The following ZNF479 variants were observed in gnomAD, a reference collection of about 807,000 sequenced individuals.
ZNF479 encodes the protein KRAB zinc finger protein KR19.
A neutral mutation model predicts 14.7 loss-of-function variants in ZNF479; 15 were observed. The observed-to-expected ratio is 1.02, with a 90% CI of 0.68 to 1.57. The LOEUF is 1.57. Among genes scored for constraint, ZNF479 ranks in the 40% most tolerant of loss-of-function variants. The pLI is 0.00. For synonymous variants in ZNF479, 145 were observed against 211.5 expected (o/e 0.69, Z 2.73); for missense variants, 506 against 615.1 (o/e 0.82, Z 1.88).
At position 57,118,148 on chromosome 7, in the gene ZNF479, CAT is replaced by C. The variant is rs1554399369; in HGVS notation, c.*1690_*1691del. 6.6e-6 allele frequency among the ~76,000 whole-genome samples: 1 copy of C among 152,260 alleles called. No homozygotes were observed. The highest frequency in any genetic ancestry group is 1.5e-5 in the Non-Finnish European group (1 of 68,044). ...GAAAAAATGTTTTTCACATTCATTA[CAT>C]GTTTAGACTTTCTCTCCAATATAAA... On this transcript the variant is annotated 3_prime_UTR_variant, in exon 4 of 4. Transcript: ENST00000319636.
upstream of ZNF479, among the ~76,000 whole-genome samples, chr7:57,132,917 C>T (rs992541324): frequency 1.4e-4 from 21 of 151,966 alleles, no homozygotes; most frequent in African/African-American, 5.1e-4. Context: ...GCCGGCAGGT[C>T]ACTAGTTCAG....
chr7:57,139,441 G>A (rs768776453), intron 1 of ZNF479, among the ~76,000 whole-genome samples: 7 of 152,152 alleles, frequency 4.6e-5, no homozygotes, highest in African/African-American at 9.7e-5. Context: ...ACCATATCTC[G>A]CAAGATATGT....
chr7:57,136,880 G>A (rs981538258), upstream of ZNF479, among the ~76,000 whole-genome samples: 1 of 152,106 alleles, frequency 6.6e-6, no homozygotes, highest in African/African-American at 2.4e-5. Context: ...CCACCTTTTT[G>A]AAAATACCTT....
intron 1 of ZNF479, among the ~76,000 whole-genome samples, chr7:57,129,367 G>T (rs1256404033): frequency 6.6e-6 from 1 of 152,152 alleles, no homozygotes; most frequent in Non-Finnish European, 1.5e-5. Context: ...GCTTTTACAA[G>T]TCCCCTGTAA....
upstream of ZNF479, among the ~76,000 whole-genome samples, chr7:57,137,255 C>T (rs909394383): frequency 3.9e-5 from 6 of 152,172 alleles, no homozygotes; most frequent in African/African-American, 1.2e-4. Flanking sequence ...CCTGCCACAG[C>T]CTTCCGAGTA....
At chr7:57,127,525 CTAGCCTAGTAAGAA>C (rs1786226857) in intron 1 of ZNF479, 1 of 984,064 alleles carries the variant, frequency 1.0e-6, no homozygotes, top group Admixed American at 6.2e-5. Flanking sequence ...ACCAATGTTT[CTAGCCTAGTAAGAA>C]TATTTTGTCA....
At position 57,121,150 on chromosome 7, in the gene ZNF479, T is replaced by C. The variant is rs781786154; in HGVS notation, c.265A>G (p.Thr89Ala). The stretch of plus-strand genomic sequence containing the variant: ...AGGTCTTGGGTGAAATGGGAACGCG[T>C]AACTGAAAGACACAAAAAGCACAAG... ...RNEMVAKHPV[T>A]RSHFTQDLQP... Residue 89 changes from threonine (T) to alanine (A), a missense_variant and splice_region_variant, in exon 4 of 4, where the codon ACG becomes GCG. Thr to Ala is a moderately conservative substitution (Grantham distance 58, BLOSUM62 0). Coordinates refer to ENST00000319636, the MANE Select transcript of ZNF479 (RefSeq NM_001370129.2). 1.2e-5 allele frequency: 19 copies of C among 1,613,552 alleles called. No homozygotes were observed. In the African/African-American group the frequency reaches 1.7e-4, roughly 15 times the overall value.
upstream of ZNF479, among the ~76,000 whole-genome samples, chr7:57,132,936 G>A (rs1309621107): frequency 6.6e-6 from 1 of 152,058 alleles, no homozygotes; most frequent in African/African-American, 2.4e-5. Context: ...AGGAGTTCGA[G>A]ACAGGCCTGG....
chr7:57,122,314 G>T (rs1320565063), intron 3 of ZNF479, among the ~76,000 whole-genome samples: 3 of 142,110 alleles, frequency 2.1e-5, no homozygotes, highest in East Asian at 2.4e-4. Context: ...ACAACATAAA[G>T]AAAAATAAAA....
rs1785810390 is a variant in ZNF479 at position 57,119,603 on chromosome 7, A to C, written c.*237T>G. On this transcript the variant is annotated 3_prime_UTR_variant, in exon 4 of 4. Coordinates refer to ENST00000319636, the MANE Select transcript of ZNF479 (RefSeq NM_001370129.2). ...GCCTGGGTGACACAGGGAGACTCCA[A>C]CTCAAAAAAATTTTTTTAAAATAAA... 1.1e-5 allele frequency: 5 copies of C among 466,568 alleles called. No homozygotes were observed. In the East Asian group the frequency reaches 2.1e-4, roughly 20 times the overall value. 28.9% of individuals were successfully genotyped at this position (466,568 alleles called of 1,614,324 possible).
At chr7:57,127,985 G>A (rs1429538269) in intron 1 of ZNF479, among the ~76,000 whole-genome samples, 2 of 150,062 alleles carry the variant, frequency 1.3e-5, no homozygotes, top group African/African-American at 2.5e-5. Context: ...ACCCAGGCTG[G>A]AGTGCAGTGG....
At chr7:57,128,376 T>C (rs1786271184) in intron 1 of ZNF479, among the ~76,000 whole-genome samples, 1 of 152,340 alleles carries the variant, frequency 6.6e-6, no homozygotes, top group Non-Finnish European at 1.5e-5. Flanking sequence ...TAACAGTTTT[T>C]TCAGAACTTT....
At chr7:57,136,870 C>T (rs1023037207), upstream of ZNF479, among the ~76,000 whole-genome samples, 5 of 152,196 alleles carry the variant, frequency 3.3e-5, no homozygotes, top group African/African-American at 1.2e-4. Flanking sequence ...AAACTGCTTG[C>T]CACCTTTTTG....
intron 3 of ZNF479, 138 bp downstream of exon 3, chr7:57,125,880 A>G: frequency 1.7e-6 from 2 of 1,159,492 alleles, no homozygotes; most frequent in Non-Finnish European, 2.4e-6. Flanking sequence ...TGTGAGAGCA[A>G]AAGAAAAAAA....
intron 1 of ZNF479, among the ~76,000 whole-genome samples, chr7:57,137,718 A>T (rs1786710915): frequency 6.6e-6 from 1 of 152,102 alleles, no homozygotes. Context: ...CTGCAGTTTA[A>T]ATTGTGAAAT....
upstream of ZNF479, chr7:57,132,453 G>C (rs1786477554): frequency 2.9e-6 from 4 of 1,401,062 alleles, no homozygotes; most frequent in African/African-American, 5.7e-5. Context: ...CAAAATTACG[G>C]AAGTAGCCTG....
rs202016237 is a variant in ZNF479, at chr7:57,120,507, C to A, written c.908G>T (p.Gly303Val). 553 of 1,612,168 alleles carry A rather than the reference C, an allele frequency of 3.4e-4. 1 individual carries two copies. The highest frequency in any genetic ancestry group is 3.2e-4 in the Non-Finnish European group (375 of 1,179,652). Residue 303 changes from glycine to valine, a missense_variant, in exon 4 of 4, where the codon GGC (glycine) becomes GTC (valine). Physicochemically the swap from Gly to Val is moderately radical, Grantham distance 109. Around this residue, in one of 3 missense-constraint regions of ZNF479, gnomAD observed 420 missense variants for 474.2 expected, o/e 0.89. Coordinates refer to ENST00000319636, the MANE Select transcript of ZNF479 (RefSeq NM_001370129.2). ...GGTTGAGGATACGCTAAAGGCTTTGCCACATTCTTCACATTTGTAGGGTCT... is the reference window on the plus strand; with the variant it reads ...GGTTGAGGATACGCTAAAGGCTTTGACACATTCTTCACATTTGTAGGGTCT... The part of the protein sequence containing the change: ...GERPYKCEEC[G>V]KAFSVSSTLT...
intron 3 of ZNF479, among the ~76,000 whole-genome samples, chr7:57,123,473 C>A (rs1786034956): frequency 6.6e-6 from 1 of 152,174 alleles, no homozygotes; most frequent in Non-Finnish European, 1.5e-5. Flanking sequence ...CAGTCAAAAG[C>A]AAGTGGATAC....
At chr7:57,138,949 T>C (rs532639619) in intron 1 of ZNF479, among the ~76,000 whole-genome samples, 6 of 152,272 alleles carry the variant, frequency 3.9e-5, no homozygotes, top group African/African-American at 1.2e-4. Flanking sequence ...AAAATGACTC[T>C]CCTACCTGGA....
Sources: gnomAD v4.1 joint callset for allele counts (sites outside exome capture counted in the v4.1 genomes callset) on GRCh38, gnomAD v4.1.1 for gene constraint, gnomAD v4.1.1 regional missense constraint, MANE v1.5 for transcripts, NCBI Gene and HGNC (gene_info 2026-07-23, HGNC 2026-07-21) for gene names.